Variants in MAP2K5 observed in about 807,000 individuals in gnomAD.
The protein encoded by MAP2K5 is dual specificity mitogen-activated protein kinase kinase 5.
A neutral mutation model predicts 83.1 loss-of-function variants in MAP2K5; 49 were observed. The observed-to-expected ratio is 0.59, with a 90% CI of 0.47 to 0.75. The LOEUF (loss-of-function observed/expected upper bound fraction) is 0.75. Ranked by LOEUF, MAP2K5 falls within the 30% of genes least tolerant of loss-of-function variation. MAP2K5 has a pLI of 0.00. For missense variants in MAP2K5, 457 were observed against 557.5 expected, an observed-to-expected ratio of 0.82 and a Z score of 1.82; for synonymous variants, 202 against 191.8, an observed-to-expected ratio of 1.05 and a Z score of -0.44.
intron 13 of MAP2K5, among the ~76,000 whole-genome samples, chr15:67,686,771 A>G (rs571176563): frequency 1.1e-4 from 16 of 152,340 alleles, no homozygotes; most frequent in African/African-American, 3.8e-4. Context: ...ACTTTTACAC[A>G]GCAAACTTTT....
Position 67,717,388 on chromosome 15 carries a change from A to G in MAP2K5, c.1045-10528A>G, listed in dbSNP as rs946643929. Among the ~76,000 whole-genome samples, 4 of 152,242 alleles carry G rather than the reference A, an allele frequency of 2.6e-5. No individual in the cohort carries two copies. Among genetic ancestry groups the G allele is most frequent in the Non-Finnish European group, 5.9e-5 (4 of 68,036 alleles). ...GATCTCATCTAATTAGTAAATATTT[A>G]TCAAGTACTACCCAGTGTTGGCAGT... is the stretch of plus-strand genomic sequence containing the variant. On this transcript the variant is annotated intron_variant, in intron 16 of 21. Coordinates refer to ENST00000178640, the MANE Select transcript of MAP2K5 (RefSeq NM_145160.3). The surrounding 1 kb of genome is among the most constrained non-coding windows in gnomAD (Gnocchi z 4.1).
chr15:67,621,288 C>A (rs2086179473), intron 8 of MAP2K5, among the ~76,000 whole-genome samples: 1 of 151,690 alleles, frequency 6.6e-6, no homozygotes, highest in Non-Finnish European at 1.5e-5. Context: ...CAAAGTAATT[C>A]TTAAAGGATA....
chr15:67,610,263 G>A (rs1014787385), intron 8 of MAP2K5, among the ~76,000 whole-genome samples: 4 of 152,078 alleles, frequency 2.6e-5, no homozygotes, highest in African/African-American at 7.2e-5. Context: ...ATGTTAAAAC[G>A]TCCACTTCTT....
chr15:67,558,282 T>C (rs1348306798), intron 2 of MAP2K5, among the ~76,000 whole-genome samples: 1 of 152,178 alleles, frequency 6.6e-6, no homozygotes, highest in African/African-American at 2.4e-5. Context: ...AAGAGTGAAG[T>C]AATAAGGATA....
In MAP2K5 at chr15:67,787,141, G is replaced by A. The variant is rs57751829; in HGVS notation, c.1242+14389G>A. The stretch of plus-strand genomic sequence containing the variant: ...GTTCAATGATAGATAGGCAGGCAGG[G>A]CGGACAACAGGACTGATTCCGCCTG... On this transcript the variant is annotated intron_variant, in intron 21 of 21. Coordinates refer to ENST00000178640, the MANE Select transcript of MAP2K5 (RefSeq NM_145160.3). Among the ~76,000 whole-genome samples the A allele has an allele frequency of 4.9e-3, 747 of 152,322 alleles. 5 individuals are homozygous for A. The highest frequency in any genetic ancestry group is 0.015 in the African/African-American group (633 of 41,570).
chr15:67,634,383 A>T (rs2086548475), intron 9 of MAP2K5, among the ~76,000 whole-genome samples: 1 of 64,052 alleles, frequency 1.6e-5, no homozygotes, highest in Non-Finnish European at 2.9e-5. Context: ...AAAAAAAAAA[A>T]AAAAAAAAAA....
chr15:67,681,501 C>G (rs2087816160), intron 13 of MAP2K5, among the ~76,000 whole-genome samples: 1 of 152,126 alleles, frequency 6.6e-6, no homozygotes, highest in Non-Finnish European at 1.5e-5. Flanking sequence ...CTATAAAAGC[C>G]TACTGCATAA....
intron 7 of MAP2K5, among the ~76,000 whole-genome samples, chr15:67,600,095 A>G (rs1239472169): frequency 6.6e-6 from 1 of 152,150 alleles, no homozygotes; most frequent in African/African-American, 2.4e-5. Context: ...TCTTAAGTGC[A>G]TTGATTTCGT....
At chr15:67,547,799 T>C (rs958966046) in intron 1 of MAP2K5, among the ~76,000 whole-genome samples, 1 of 152,202 alleles carries the variant, frequency 6.6e-6, no homozygotes, top group Admixed American at 6.5e-5. Flanking sequence ...TAGGTACATG[T>C]TATATTGTCA....
At chr15:67,618,433 G>A (rs1046529193) in intron 8 of MAP2K5, among the ~76,000 whole-genome samples, 14 of 152,144 alleles carry the variant, frequency 9.2e-5, no homozygotes, top group African/African-American at 2.2e-4. Context: ...CTAAGTGAGC[G>A]TGTGTAGTTC....
intron 13 of MAP2K5, among the ~76,000 whole-genome samples, chr15:67,683,913 A>G (rs959685666): frequency 6.6e-6 from 1 of 152,250 alleles, no homozygotes; most frequent in African/African-American, 2.4e-5. Flanking sequence ...GCAATGTGAG[A>G]CAGTGATCCC....
chr15:67,635,987 A>G (rs1323068342), intron 9 of MAP2K5, among the ~76,000 whole-genome samples: 1 of 152,148 alleles, frequency 6.6e-6, no homozygotes, highest in Non-Finnish European at 1.5e-5. Context: ...TTTTATAAAT[A>G]AAGATGGGGT....
At chr15:67,718,755 C>T (rs955415381) in intron 16 of MAP2K5, among the ~76,000 whole-genome samples, 1 of 152,088 alleles carries the variant, frequency 6.6e-6, no homozygotes, top group Admixed American at 6.6e-5. Context: ...CAGAGCGAGA[C>T]TCCATCTCAA....
At chr15:67,628,217 C>T in intron 8 of MAP2K5, 3 of 719,092 alleles carry the variant, frequency 4.2e-6, no homozygotes, top group African/African-American at 1.8e-5. Context: ...TGCAGTGGCC[C>T]ATGCCTGTAA....
intron 16 of MAP2K5, among the ~76,000 whole-genome samples, chr15:67,707,263 G>C (rs923515083): frequency 6.6e-6 from 1 of 152,070 alleles, no homozygotes; most frequent in Admixed American, 6.5e-5. Flanking sequence ...ATTACCTGAA[G>C]GGATTAGGAA....
intron 8 of MAP2K5, among the ~76,000 whole-genome samples, chr15:67,630,507 A>G (rs1332868836): frequency 2.6e-5 from 4 of 152,222 alleles, no homozygotes; most frequent in Non-Finnish European, 4.4e-5. Flanking sequence ...ACATAGAGCT[A>G]TAGAGAACCC....
rs2084825049 is a variant in MAP2K5 at position 67,565,793 on chromosome 15, A to G, written c.252+2443A>G. The stretch of plus-strand genomic sequence containing the variant: ...GAGATAATTTAAAAAAATTTTTTGT[A>G]GAGATAGGGTCTTGCTTTGTTGCCC... On this transcript the variant is annotated intron_variant, in intron 3 of 21. Coordinates refer to ENST00000178640, the MANE Select transcript of MAP2K5 (RefSeq NM_145160.3). The surrounding 1 kb of genome is among the most constrained non-coding windows in gnomAD (Gnocchi z 4.1). Among the ~76,000 whole-genome samples the G allele has an allele frequency of 6.6e-6, 1 of 151,864 alleles. No homozygotes were observed. Among genetic ancestry groups the G allele is most frequent in the Non-Finnish European group, 1.5e-5 (1 of 67,982 alleles).
intron 2 of MAP2K5, among the ~76,000 whole-genome samples, chr15:67,558,111 AT>A (rs1239159387): frequency 1.3e-5 from 2 of 152,262 alleles, no homozygotes; most frequent in East Asian, 3.9e-4. Flanking sequence ...AGTCTTGCTA[AT>A]TTGTATGAAA....
intron 8 of MAP2K5, among the ~76,000 whole-genome samples, chr15:67,605,146 G>A (rs971862208): frequency 1.3e-5 from 2 of 150,508 alleles, no homozygotes; most frequent in East Asian, 2.0e-4. Flanking sequence ...TCTGCCTCCC[G>A]GGTTCAAGTG....
Sources: allele counts gnomAD v4.1 joint callset (sites outside exome capture counted in the v4.1 genomes callset), GRCh38; gene constraint gnomAD v4.1.1; non-coding constraint Gnocchi (gnomAD v3.1); transcripts MANE v1.5; gene names NCBI Gene and HGNC (gene_info 2026-07-23, HGNC 2026-07-21).